Variants in ITGBL1 observed in about 807,000 individuals in gnomAD.
The protein encoded by ITGBL1 is integrin subunit beta like 1, also known as integrin beta-like protein 1.
ITGBL1 carries 51 observed loss-of-function variants against 68.5 expected under a neutral mutation model. The ratio of observed to expected loss-of-function variants is 0.74; its 90% CI spans 0.59 to 0.94. The LOEUF (loss-of-function observed/expected upper bound fraction) is 0.94. Ranked by LOEUF, ITGBL1 falls within the 40% of genes least tolerant of loss-of-function variation. ITGBL1 has a pLI of 0.00. For missense variants in ITGBL1, 649 were observed against 647.4 expected, an observed-to-expected ratio of 1.00 and a Z score of -0.03; for synonymous variants, 209 against 227.3, an observed-to-expected ratio of 0.92 and a Z score of 0.72.
At chr13:101,529,225 GAATA>G (rs2049431998) in intron 2 of ITGBL1, among the ~76,000 whole-genome samples, 1 of 151,450 alleles carries the variant, frequency 6.6e-6, no homozygotes, top group Non-Finnish European at 1.5e-5. Flanking sequence ...CGTGGAATAT[GAATA>G]AAGAACTTCT....
At chr13:101,499,180 GT>G (rs2139080355) in intron 2 of ITGBL1, among the ~76,000 whole-genome samples, 1 of 152,260 alleles carries the variant, frequency 6.6e-6, no homozygotes, top group South Asian at 2.1e-4. Context: ...CATGCTGCTT[GT>G]TTCCTGGCTA....
chr13:101,583,468 C>T, intron 6 of ITGBL1, 112 bp downstream of exon 6: 1 of 768,480 alleles, frequency 1.3e-6, no homozygotes, highest in Admixed American at 2.9e-5. Context: ...TGTTGGATAG[C>T]ACAATAGGGT....
intron 2 of ITGBL1, among the ~76,000 whole-genome samples, chr13:101,496,381 G>A (rs185614177): frequency 6.6e-6 from 1 of 152,174 alleles, no homozygotes; most frequent in Non-Finnish European, 1.5e-5. Flanking sequence ...TAAAAGGAGT[G>A]GCTTGACCTA....
intron 7 of ITGBL1, among the ~76,000 whole-genome samples, chr13:101,631,424 A>T (rs111538282): frequency 3.9e-5 from 6 of 152,106 alleles, no homozygotes; most frequent in Non-Finnish European, 8.8e-5. Context: ...TGTTAAGTCT[A>T]TATCTCATAG....
intron 8 of ITGBL1, 45 bp downstream of exon 8, chr13:101,692,746 C>T: frequency 8.6e-7 from 1 of 1,165,574 alleles, no homozygotes. Context: ...ATGCAACTTG[C>T]TTTACCTGCC....
rs370354823 is a variant in ITGBL1, at chr13:101,491,102, C to A, written c.316+37002C>A. On this transcript the variant is annotated intron_variant, in intron 2 of 10. Coordinates refer to ENST00000376180, the MANE Select transcript of ITGBL1 (RefSeq NM_004791.3). ...ATATAATTTGTAAGTGCTTATATAT[C>A]TCCAACCTGTAACTATGTAAATTAC... is the stretch of plus-strand genomic sequence containing the variant. Among the ~76,000 whole-genome samples the A allele has an allele frequency of 1.1e-4, 16 of 152,276 alleles. No individual in the cohort carries two copies. In the South Asian group the frequency reaches 2.9e-3, roughly 28 times the overall value.
At chr13:101,684,634 C>T (rs939350401) in intron 7 of ITGBL1, among the ~76,000 whole-genome samples, 14 of 151,870 alleles carry the variant, frequency 9.2e-5, no homozygotes, top group African/African-American at 3.4e-4. Flanking sequence ...TCTACATGCA[C>T]AGTTTTCGGT....
intron 8 of ITGBL1, among the ~76,000 whole-genome samples, chr13:101,699,582 T>C (rs577614265): frequency 1.3e-5 from 2 of 152,320 alleles, no homozygotes; most frequent in South Asian, 2.1e-4. Flanking sequence ...CCTGCCATCA[T>C]GTGACGAAGG....
intron 7 of ITGBL1, among the ~76,000 whole-genome samples, chr13:101,628,067 G>T (rs541879513): frequency 6.8e-6 from 1 of 146,474 alleles, no homozygotes; most frequent in Non-Finnish European, 1.5e-5. Flanking sequence ...CACCAGCAAT[G>T]AATGAAAGTC....
chr13:101,552,723 T>C (rs1566728816), intron 2 of ITGBL1, among the ~76,000 whole-genome samples: 3 of 152,180 alleles, frequency 2.0e-5, no homozygotes, highest in Non-Finnish European at 2.9e-5. Flanking sequence ...ATATAAATGT[T>C]TGTTAATTTT....
rs912725982 is a variant in ITGBL1, at chr13:101,688,834, T to C, written c.1016-3751T>C. On this transcript the variant is annotated intron_variant, in intron 7 of 10. Transcript: ENST00000376180. ...AAGTTCTACCATTAATGCTCATGTA[T>C]TGTGTGAATATTTCTATAGTATTTA... Among the ~76,000 whole-genome samples the C allele has an allele frequency of 9.2e-5, 14 of 152,280 alleles. No homozygotes were observed. In the Middle Eastern group the frequency reaches 0.01, roughly 111 times the overall value.
chr13:101,470,851 A>C (rs1233867681), intron 2 of ITGBL1, among the ~76,000 whole-genome samples: 4 of 152,204 alleles, frequency 2.6e-5, no homozygotes, highest in Non-Finnish European at 4.4e-5. Context: ...TACAGCTAAC[A>C]TTTATTTAGA....
chr13:101,511,813 A>G (rs975576543), intron 2 of ITGBL1, among the ~76,000 whole-genome samples: 15 of 152,120 alleles, frequency 9.9e-5, no homozygotes, highest in African/African-American at 3.6e-4. Context: ...TACCCACCTA[A>G]GTTGTGCCCA....
At chr13:101,671,780 T>TA (rs1294849408) in intron 7 of ITGBL1, among the ~76,000 whole-genome samples, 1 of 152,204 alleles carries the variant, frequency 6.6e-6, no homozygotes, top group Non-Finnish European at 1.5e-5. Flanking sequence ...ATTTACTTTT[T>TA]ATCCCTATTT....
chr13:101,518,097 G>T (rs1481269135), intron 2 of ITGBL1, among the ~76,000 whole-genome samples: 1 of 152,182 alleles, frequency 6.6e-6, no homozygotes, highest in Non-Finnish European at 1.5e-5. Flanking sequence ...GTTTCTCAGA[G>T]ATTTGACCTC....
intron 2 of ITGBL1, among the ~76,000 whole-genome samples, chr13:101,562,873 G>A (rs1380554852): frequency 6.6e-6 from 1 of 151,696 alleles, no homozygotes; most frequent in East Asian, 1.9e-4. Context: ...AAGGAAAATT[G>A]AACAAGATAG....
At chr13:101,583,837 G>T (rs1186080793) in intron 6 of ITGBL1, among the ~76,000 whole-genome samples, 1 of 152,180 alleles carries the variant, frequency 6.6e-6, no homozygotes, top group Non-Finnish European at 1.5e-5. Flanking sequence ...AATTCCCAAA[G>T]TTGGCAAAGA....
chr13:101,670,948 A>G (rs1242045991), intron 7 of ITGBL1, among the ~76,000 whole-genome samples: 6 of 152,176 alleles, frequency 3.9e-5, no homozygotes, highest in African/African-American at 1.4e-4. Flanking sequence ...TCTGGTTGTT[A>G]TCTTAAAATG....
intron 2 of ITGBL1, among the ~76,000 whole-genome samples, chr13:101,485,083 GA>G (rs923352521): frequency 1.4e-4 from 21 of 152,082 alleles, no homozygotes; most frequent in African/African-American, 4.6e-4. Context: ...AAGGATTGAA[GA>G]AAAAATGTAA....
Sources: gnomAD v4.1 joint callset for allele counts (sites outside exome capture counted in the v4.1 genomes callset) on GRCh38, gnomAD v4.1.1 for gene constraint, MANE v1.5 for transcripts, NCBI Gene and HGNC (gene_info 2026-07-23, HGNC 2026-07-21) for gene names.